Variants in PTPRT observed in about 807,000 individuals in gnomAD.
PTPRT encodes the protein receptor-type tyrosine-protein phosphatase T.
A neutral mutation model predicts 176.8 loss-of-function variants in PTPRT; 56 were observed. That is an observed-to-expected ratio of 0.32 (90% CI 0.26 to 0.40). The LOEUF (loss-of-function observed/expected upper bound fraction) is 0.40, where lower values mean the gene tolerates loss of function less well. PTPRT is among the 10% of genes least tolerant of loss of function. PTPRT has a pLI of 1.00. For missense variants in PTPRT, 1,540 were observed against 1,908.2 expected, an observed-to-expected ratio of 0.81 and a Z score of 3.60; for synonymous variants, 783 against 739.0, an observed-to-expected ratio of 1.06 and a Z score of -0.96.
At chr20:42,317,576 A>T (rs961610393) in intron 11 of PTPRT, among the ~76,000 whole-genome samples, 7 of 152,204 alleles carry the variant, frequency 4.6e-5, no homozygotes, top group African/African-American at 1.7e-4. Flanking sequence ...CATGTGGTTT[A>T]TCAAAAATGA....
In PTPRT at chr20:42,104,557, A is replaced by T; in HGVS notation, c.3540+12T>A. ...GACTAAGATGGTCACCGAGCCTGGG[A>T]TTTGCTCATACCTGAAATTCATCTT... On this transcript the variant is annotated intron_variant, in intron 25 of 30. Transcript: ENST00000373187. The T allele has an allele frequency of 6.2e-7, 1 of 1,608,796 alleles. No homozygotes were observed. Among genetic ancestry groups the T allele is most frequent in the South Asian group, 1.1e-5 (1 of 90,548 alleles).
intron 1 of PTPRT, among the ~76,000 whole-genome samples, chr20:43,176,870 G>A (rs1600773547): frequency 6.6e-6 from 1 of 152,282 alleles, no homozygotes; most frequent in African/African-American, 2.4e-5. Flanking sequence ...AAATTGGGAT[G>A]CTTCTATGTA....
chr20:42,251,394 G>A (rs2056548654), intron 13 of PTPRT, among the ~76,000 whole-genome samples: 1 of 152,068 alleles, frequency 6.6e-6, no homozygotes, highest in African/African-American at 2.4e-5. Context: ...GTGATACAGT[G>A]GTGAGCAAAA....
intron 11 of PTPRT, among the ~76,000 whole-genome samples, chr20:42,330,249 T>A (rs1052310954): frequency 6.6e-6 from 1 of 152,108 alleles, no homozygotes; most frequent in African/African-American, 2.4e-5. Context: ...GGTGGGCGGA[T>A]CACCTGAGAT....
At chr20:43,176,253 G>A (rs150380020) in intron 1 of PTPRT, among the ~76,000 whole-genome samples, 446 of 147,778 alleles carry the variant, frequency 3.0e-3, no homozygotes, top group African/African-American at 0.011. Context: ...GGCTCTGACT[G>A]TGCCACTGCA....
chr20:42,168,019 G>C (rs1055666828), intron 16 of PTPRT, among the ~76,000 whole-genome samples: 1 of 152,120 alleles, frequency 6.6e-6, no homozygotes, highest in Non-Finnish European at 1.5e-5. Flanking sequence ...GTTATATATT[G>C]TATTCCTACA....
At chr20:42,296,981 T>C (rs1350754959) in intron 12 of PTPRT, among the ~76,000 whole-genome samples, 1 of 151,434 alleles carries the variant, frequency 6.6e-6, no homozygotes, top group East Asian at 1.9e-4. Context: ...CCCTCAAAAA[T>C]ACAAATTTAA....
chr20:42,902,002 A>C (rs961006519), intron 1 of PTPRT, among the ~76,000 whole-genome samples: 4 of 152,196 alleles, frequency 2.6e-5, no homozygotes, highest in African/African-American at 9.7e-5. Flanking sequence ...AATATTTACT[A>C]TCTAGCCTTT....
chr20:43,155,758 T>C (rs1305688135), intron 1 of PTPRT, among the ~76,000 whole-genome samples: 5 of 152,226 alleles, frequency 3.3e-5, no homozygotes, highest in Non-Finnish European at 5.9e-5. Context: ...GCAATGTCTA[T>C]ATATGTCAAA....
At chr20:42,928,809 G>A (rs1238349028) in intron 1 of PTPRT, among the ~76,000 whole-genome samples, 3 of 152,106 alleles carry the variant, frequency 2.0e-5, no homozygotes, top group African/African-American at 4.8e-5. Context: ...CAGGGAAGAC[G>A]CTGCCACTCA....
intron 9 of PTPRT, among the ~76,000 whole-genome samples, chr20:42,395,028 T>G (rs1256155693): frequency 6.6e-6 from 1 of 152,212 alleles, no homozygotes; most frequent in Non-Finnish European, 1.5e-5. Context: ...GCTGGACAAG[T>G]GTGAGGAAAG....
intron 9 of PTPRT, among the ~76,000 whole-genome samples, chr20:42,400,491 C>A (rs181683422): frequency 6.6e-6 from 1 of 151,884 alleles, no homozygotes; most frequent in South Asian, 2.1e-4. Flanking sequence ...AAGATATATG[C>A]GAAACTGGGG....
rs534255778 is a variant in PTPRT at position 43,075,216 on chromosome 20, G to A, written c.88+114430C>T. Among the ~76,000 whole-genome samples the A allele has an allele frequency of 2.0e-5, 3 of 152,366 alleles. No homozygotes were observed. The South Asian group carries it at 6.2e-4, about 32-fold the overall frequency. On this transcript the variant is annotated intron_variant, in intron 1 of 30. Transcript: ENST00000373187. ...AGTCCTGGTGGGATTTCTCACGAAA[G>A]TGTTGAGCATCCCCAAGCTGAAAGA...
chr20:42,869,905 C>A (rs967632929), intron 2 of PTPRT, among the ~76,000 whole-genome samples: 4 of 152,076 alleles, frequency 2.6e-5, no homozygotes, highest in African/African-American at 9.7e-5. Context: ...ATGGGAATAG[C>A]AACATTATAA....
At chr20:43,050,810 C>T (rs564641490) in intron 1 of PTPRT, among the ~76,000 whole-genome samples, 8 of 152,310 alleles carry the variant, frequency 5.3e-5, no homozygotes, top group Admixed American at 3.9e-4. Flanking sequence ...TACAGATGGG[C>T]CTGATCTCTG....
intron 16 of PTPRT, among the ~76,000 whole-genome samples, chr20:42,184,518 C>CCTTCTT (rs1451231166): frequency 1.8e-5 from 1 of 54,398 alleles, no homozygotes. Context: ...TCCTCCTCCT[C>CCTTCTT]CTTCTTCTTC....
intron 9 of PTPRT, among the ~76,000 whole-genome samples, chr20:42,395,472 T>C (rs2058840417): frequency 1.3e-5 from 2 of 152,160 alleles, no homozygotes; most frequent in Admixed American, 6.5e-5. Flanking sequence ...CATTGGATCA[T>C]TTCCCTTTAG....
At chr20:42,307,201 T>C (rs2057556225) in intron 12 of PTPRT, among the ~76,000 whole-genome samples, 2 of 152,204 alleles carry the variant, frequency 1.3e-5, no homozygotes. Context: ...TGGTTAGCCT[T>C]GGCCAGTGGA....
intron 15 of PTPRT, among the ~76,000 whole-genome samples, chr20:42,210,275 A>G (rs2055588005): frequency 1.3e-5 from 2 of 152,164 alleles, no homozygotes; most frequent in African/African-American, 2.4e-5. Context: ...CCTATTCAAC[A>G]CAGTGTTGGA....
Sources: gnomAD v4.1 joint callset for allele counts (sites outside exome capture counted in the v4.1 genomes callset) on GRCh38, gnomAD v4.1.1 for gene constraint, MANE v1.5 for transcripts, NCBI Gene and HGNC (gene_info 2026-07-23, HGNC 2026-07-21) for gene names.